Variants in SCP2 observed in about 807,000 individuals in gnomAD.
SCP2 encodes sterol carrier protein 2.
Under a neutral mutation model 71.4 loss-of-function variants are expected in SCP2, and 48 were observed. The ratio of observed to expected loss-of-function variants is 0.67; its 90% CI spans 0.53 to 0.86. The LOEUF (loss-of-function observed/expected upper bound fraction) is 0.86, where lower values mean the gene tolerates loss of function less well. SCP2 is among the 40% of genes least tolerant of loss of function. SCP2 has a pLI of 0.00. For missense variants in SCP2, 560 were observed against 655.6 expected (o/e 0.85, Z 1.59); for synonymous variants, 220 against 218.1 (o/e 1.01, Z -0.08).
intron 1 of SCP2, among the ~76,000 whole-genome samples, chr1:52,938,130 ATCTTGGTCT>A (rs916134846): frequency 1.3e-5 from 2 of 152,210 alleles, no homozygotes; most frequent in Non-Finnish European, 2.9e-5. Context: ...TTTCATTGCC[ATCTTGGTCT>A]TAGCTGATTT....
In SCP2 at chr1:53,007,027, A is replaced by T. The variant is rs143037234; in HGVS notation, c.1082-7863A>T. On this transcript the variant is annotated intron_variant, in intron 11 of 15. Coordinates refer to ENST00000371514, the MANE Select transcript of SCP2 (RefSeq NM_002979.5). ...TTTAAACCGACAAAGATCAAAAGAGACAAAGAAGGCCATTACATAATGATA... is the reference window on the plus strand; with the variant it reads ...TTTAAACCGACAAAGATCAAAAGAGTCAAAGAAGGCCATTACATAATGATA... Among the ~76,000 whole-genome samples, 945 of 152,332 alleles carry T rather than the reference A, an allele frequency of 6.2e-3. 15 individuals are homozygous for T. Among genetic ancestry groups the T allele is most frequent in the African/African-American group, 0.022 (908 of 41,574 alleles).
chr1:53,038,292 A>T (rs1663169839), intron 13 of SCP2, among the ~76,000 whole-genome samples: 1 of 143,042 alleles, frequency 7.0e-6, no homozygotes, highest in African/African-American at 2.8e-5. Flanking sequence ...TGGGATCTCT[A>T]CATTAAAGAT....
intron 4 of SCP2, among the ~76,000 whole-genome samples, chr1:52,954,479 G>A (rs1655617406): frequency 1.3e-5 from 2 of 152,138 alleles, no homozygotes; most frequent in African/African-American, 4.8e-5. Context: ...GACTACAGGT[G>A]TGTACCACCA....
intron 11 of SCP2, among the ~76,000 whole-genome samples, chr1:53,000,032 G>T (rs539407253): frequency 2.3e-4 from 35 of 151,796 alleles, no homozygotes; most frequent in Admixed American, 2.2e-3. Context: ...GGCCAGGCTG[G>T]CCTCGAACTA....
At chr1:52,996,431 G>A (rs1272527026) in intron 11 of SCP2, among the ~76,000 whole-genome samples, 1 of 152,220 alleles carries the variant, frequency 6.6e-6, no homozygotes, top group Non-Finnish European at 1.5e-5. Context: ...GCAGGTAGAA[G>A]TCACTGCAAG....
chr1:52,933,645 A>C (rs886136796), intron 1 of SCP2, among the ~76,000 whole-genome samples: 1 of 152,246 alleles, frequency 6.6e-6, no homozygotes, highest in Admixed American at 6.5e-5. Context: ...AGTGTCTTCT[A>C]TCAAACGTAT....
At chr1:52,960,472 C>G (rs1418302646) in intron 5 of SCP2, among the ~76,000 whole-genome samples, 15 of 109,592 alleles carry the variant, frequency 1.4e-4, no homozygotes, top group Non-Finnish European at 2.1e-4. Flanking sequence ...TGCCTGGCTA[C>G]TATGTATATG....
At chr1:52,959,165 G>C (rs897761602) in intron 5 of SCP2, among the ~76,000 whole-genome samples, 2 of 151,040 alleles carry the variant, frequency 1.3e-5, no homozygotes, top group African/African-American at 4.9e-5. Flanking sequence ...TTCACATCTG[G>C]TCTGGTGACT....
At chr1:53,005,593 G>A (rs1393802152) in intron 11 of SCP2, among the ~76,000 whole-genome samples, 1 of 152,128 alleles carries the variant, frequency 6.6e-6, no homozygotes. Flanking sequence ...CAAACAGAAA[G>A]GACATTCACA....
Position 53,005,621 on chromosome 1 carries a change from C to T in SCP2, c.1082-9269C>T, listed in dbSNP as rs955017765. On this transcript the variant is annotated intron_variant, in intron 11 of 15. Coordinates refer to ENST00000371514, the MANE Select transcript of SCP2 (RefSeq NM_002979.5). ...CATTCACACCAAAACCCCATCTGTA[C>T]GTCACCATCATCAAAGACCAAAGGT... Among the ~76,000 whole-genome samples, 3 of 152,154 alleles carry T rather than the reference C, an allele frequency of 2.0e-5. No individual in the cohort carries two copies. The East Asian group carries it at 5.8e-4, about 29-fold the overall frequency.
At chr1:53,010,663 G>A (rs575125938) in intron 11 of SCP2, among the ~76,000 whole-genome samples, 2 of 152,202 alleles carry the variant, frequency 1.3e-5, no homozygotes, top group East Asian at 3.9e-4. Flanking sequence ...AGCATTAGGA[G>A]ATATACCTAA....
chr1:53,003,989 C>A (rs35078877), intron 11 of SCP2, among the ~76,000 whole-genome samples: 2 of 152,234 alleles, frequency 1.3e-5, no homozygotes, highest in African/African-American at 4.8e-5. Flanking sequence ...ACTCCTCTTG[C>A]GCTTTGGGGC....
At chr1:53,003,632 G>A (rs1316713561) in intron 11 of SCP2, among the ~76,000 whole-genome samples, 6 of 151,572 alleles carry the variant, frequency 4.0e-5, no homozygotes, top group Admixed American at 2.0e-4. Flanking sequence ...TGATCCTCCC[G>A]CCTCAGTCTC....
At chr1:53,031,370 C>T (rs1321764561) in intron 13 of SCP2, among the ~76,000 whole-genome samples, 1 of 152,232 alleles carries the variant, frequency 6.6e-6, no homozygotes, top group African/African-American at 2.4e-5. Context: ...CCACGATTGT[C>T]AGTTTCCTAA....
intron 13 of SCP2, among the ~76,000 whole-genome samples, chr1:53,038,515 C>T (rs1395088502): frequency 1.3e-5 from 2 of 152,040 alleles, no homozygotes; most frequent in Non-Finnish European, 2.9e-5. Flanking sequence ...AGTGATCCTC[C>T]CATTTCAGCC....
intron 12 of SCP2, among the ~76,000 whole-genome samples, chr1:53,019,554 C>A (rs951155491): frequency 6.6e-6 from 1 of 152,162 alleles, no homozygotes; most frequent in Non-Finnish European, 1.5e-5. Context: ...GCTTTCCATG[C>A]CTCAGCCCTA....
chr1:52,969,677 CG>C (rs1557571775), intron 6 of SCP2, among the ~76,000 whole-genome samples: 1 of 151,902 alleles, frequency 6.6e-6, no homozygotes. Context: ...AAAAATTAGC[CG>C]GGCGTGGTCG....
At chr1:53,041,133 G>C (rs567476028) in intron 14 of SCP2, among the ~76,000 whole-genome samples, 86 of 152,302 alleles carry the variant, frequency 5.6e-4, no homozygotes, top group African/African-American at 1.9e-3. Flanking sequence ...GCTGGGCACG[G>C]TGGCTCACGC....
At chr1:53,020,100 T>C (rs1661614523) in intron 12 of SCP2, among the ~76,000 whole-genome samples, 1 of 152,114 alleles carries the variant, frequency 6.6e-6, no homozygotes, top group Admixed American at 6.6e-5. Flanking sequence ...TTGTCCAGGC[T>C]GGTCTTGAAC....
Sources: allele counts gnomAD v4.1 joint callset (sites outside exome capture counted in the v4.1 genomes callset), GRCh38; gene constraint gnomAD v4.1.1; transcripts MANE v1.5; gene names NCBI Gene and HGNC (gene_info 2026-07-23, HGNC 2026-07-21).